Variants in ULK4 observed in about 807,000 individuals in gnomAD.
ULK4 encodes the protein unc-51 like kinase 4, also known as inactive serine/threonine-protein kinase ULK4.
Under a neutral mutation model 160.6 loss-of-function variants are expected in ULK4, and 133 were observed. That is an observed-to-expected ratio of 0.83 (90% CI 0.72 to 0.96). The LOEUF (loss-of-function observed/expected upper bound fraction) is 0.96, where lower values mean the gene tolerates loss of function less well. Among genes scored for constraint, ULK4 ranks in the 40% least tolerant of loss-of-function variants. The probability of loss-of-function intolerance (pLI) is 0.00; values close to 1 mark genes in which losing one functional copy is unlikely to be tolerated. For missense variants in ULK4, 1,580 were observed against 1,499.5 expected, an observed-to-expected ratio of 1.05 and a Z score of -0.89; for synonymous variants, 534 against 539.8, an observed-to-expected ratio of 0.99 and a Z score of 0.15.
rs550839314 is a variant in ULK4 at position 41,776,039 on chromosome 3, A to T, written c.2193+13622T>A. Reference sequence around the variant, plus strand: ...TTTGGCTCAGGTATGTGCATCTTCAACTTCATTAAAGATTATAAAATTGCA... The same window carrying T: ...TTTGGCTCAGGTATGTGCATCTTCATCTTCATTAAAGATTATAAAATTGCA... On this transcript the variant is annotated intron_variant, in intron 21 of 36. Coordinates refer to ENST00000301831, the MANE Select transcript of ULK4 (RefSeq NM_017886.4). Among the ~76,000 whole-genome samples the T allele has an allele frequency of 3.7e-4, 56 of 151,018 alleles. 5 individuals carry two copies. Among genetic ancestry groups the T allele is most frequent in the African/African-American group, 1.4e-3 (56 of 40,344 alleles).
At chr3:41,267,745 C>T (rs1255386630) in intron 35 of ULK4, among the ~76,000 whole-genome samples, 2 of 152,178 alleles carry the variant, frequency 1.3e-5, no homozygotes, top group Admixed American at 6.5e-5. Context: ...CCTGTCCACA[C>T]CAGATCAATG....
At chr3:41,418,613 C>T (rs1243755035) in intron 34 of ULK4, among the ~76,000 whole-genome samples, 1 of 152,180 alleles carries the variant, frequency 6.6e-6, no homozygotes, top group East Asian at 1.9e-4. Context: ...AAAACCTATT[C>T]TAAAGAAATG....
At chr3:41,343,232 C>T (rs1460122332) in intron 35 of ULK4, among the ~76,000 whole-genome samples, 1 of 148,540 alleles carries the variant, frequency 6.7e-6, no homozygotes, top group Non-Finnish European at 1.5e-5. Context: ...GAAAGTCAAA[C>T]TATCTTTGTT....
In ULK4 at chr3:41,561,433, G is replaced by A. The variant is rs193203298; in HGVS notation, c.3226+4592C>T. Reference sequence around the variant, plus strand: ...TCTATTTATTGGAATAGTTTCTGAAGGAATGGTAACAGCTCCTCTTTGTAC... The same window carrying A: ...TCTATTTATTGGAATAGTTTCTGAAAGAATGGTAACAGCTCCTCTTTGTAC... On this transcript the variant is annotated intron_variant, in intron 32 of 36. Transcript: ENST00000301831. 7.3e-3 allele frequency among the ~76,000 whole-genome samples: 1,117 copies of A among 152,266 alleles called. 6 individuals carry two copies. The highest frequency in any genetic ancestry group is 0.012 in the Non-Finnish European group (799 of 68,024).
chr3:41,831,865 C>A (rs965206502), intron 18 of ULK4, among the ~76,000 whole-genome samples: 1 of 152,106 alleles, frequency 6.6e-6, no homozygotes, highest in African/African-American at 2.4e-5. Flanking sequence ...CATGGCCCTG[C>A]AAATGATATG....
At chr3:41,952,569 A>G (rs527526294) in intron 2 of ULK4, among the ~76,000 whole-genome samples, 2 of 152,328 alleles carry the variant, frequency 1.3e-5, no homozygotes, top group South Asian at 4.1e-4. Flanking sequence ...AAAGACAAAA[A>G]GTACTGATAA....
chr3:41,314,713 T>A (rs1251962862), intron 35 of ULK4, among the ~76,000 whole-genome samples: 1 of 152,232 alleles, frequency 6.6e-6, no homozygotes, highest in Non-Finnish European at 1.5e-5. Flanking sequence ...GGTCTGAGTA[T>A]ACAATTTATT....
intron 9 of ULK4, 31 bp downstream of exon 9, chr3:41,912,776 T>C (rs1215940518): frequency 1.2e-5 from 19 of 1,577,304 alleles, no homozygotes; most frequent in Non-Finnish European, 1.6e-5. Flanking sequence ...CCAGTAACTA[T>C]GTCCCATACA....
chr3:41,954,220 C>CGTG (rs1239990395), intron 2 of ULK4, among the ~76,000 whole-genome samples: 1 of 149,052 alleles, frequency 6.7e-6, no homozygotes, highest in Non-Finnish European at 1.5e-5. Context: ...ATTAGCCAGG[C>CGTG]GTGGTGGTAT....
At chr3:41,908,391 C>T (rs1321905741) in intron 11 of ULK4, among the ~76,000 whole-genome samples, 2 of 152,152 alleles carry the variant, frequency 1.3e-5, no homozygotes, top group East Asian at 3.8e-4. Flanking sequence ...ATATAAATGC[C>T]TGCCATACCG....
intron 32 of ULK4, among the ~76,000 whole-genome samples, chr3:41,472,260 C>T (rs1559628051): frequency 6.6e-6 from 1 of 151,876 alleles, no homozygotes; most frequent in Non-Finnish European, 1.5e-5. Flanking sequence ...CCTACTAAGA[C>T]TAAATCATAA....
intron 5 of ULK4, among the ~76,000 whole-genome samples, chr3:41,922,441 C>T (rs1297780494): frequency 6.6e-6 from 1 of 152,020 alleles, no homozygotes; most frequent in Non-Finnish European, 1.5e-5. Context: ...GAGATATGAT[C>T]ATGCCACTGC....
intron 25 of ULK4, among the ~76,000 whole-genome samples, chr3:41,711,189 C>T (rs182371704): frequency 3.7e-4 from 57 of 152,280 alleles, no homozygotes; most frequent in African/African-American, 1.4e-3. Context: ...GAGCCAAGTG[C>T]TAAAGGAATG....
chr3:41,568,365 A>T (rs1285353605), intron 31 of ULK4, among the ~76,000 whole-genome samples: 1 of 152,246 alleles, frequency 6.6e-6, no homozygotes, highest in Non-Finnish European at 1.5e-5. Context: ...AAAGATTTAA[A>T]GAAGTAGACA....
intron 20 of ULK4, among the ~76,000 whole-genome samples, chr3:41,799,453 T>C (rs188963914): frequency 6.6e-6 from 1 of 152,254 alleles, no homozygotes; most frequent in Non-Finnish European, 1.5e-5. Flanking sequence ...GATAAACTCA[T>C]TTGACACAAA....
chr3:41,628,036 A>T (rs2033599938), intron 30 of ULK4, among the ~76,000 whole-genome samples: 1 of 152,184 alleles, frequency 6.6e-6, no homozygotes, highest in African/African-American at 2.4e-5. Flanking sequence ...ACCTCCAAGG[A>T]TTTTAAGCAA....
At chr3:41,472,573 GAA>G (rs796797629) in intron 32 of ULK4, among the ~76,000 whole-genome samples, 4 of 89,574 alleles carry the variant, frequency 4.5e-5, no homozygotes, top group Non-Finnish European at 7.6e-5. Flanking sequence ...TCAAAAAAAA[GAA>G]AAAAAAAAAA....
chr3:41,342,857 G>A (rs1279049263), intron 35 of ULK4, among the ~76,000 whole-genome samples: 2 of 152,142 alleles, frequency 1.3e-5, no homozygotes, highest in Non-Finnish European at 2.9e-5. Flanking sequence ...CAGGAAGCGA[G>A]GTTGGTTCAA....
chr3:41,667,524 A>T (rs1208427043), intron 29 of ULK4, among the ~76,000 whole-genome samples: 5 of 152,214 alleles, frequency 3.3e-5, no homozygotes, highest in Non-Finnish European at 7.3e-5. Context: ...AATGCAACTT[A>T]GCAGAAAAAA....
Sources: allele counts gnomAD v4.1 joint callset (sites outside exome capture counted in the v4.1 genomes callset), GRCh38; gene constraint gnomAD v4.1.1; transcripts MANE v1.5; gene names NCBI Gene and HGNC (gene_info 2026-07-23, HGNC 2026-07-21).